Variants in UNC80 observed in about 807,000 individuals in gnomAD.
UNC80 encodes protein unc-80 homolog.
UNC80 carries 164 observed loss-of-function variants against 384.6 expected under a neutral mutation model. The ratio of observed to expected loss-of-function variants is 0.43; its 90% CI spans 0.38 to 0.49. UNC80 has a LOEUF of 0.49. Ranked by LOEUF, UNC80 falls within the 20% of genes least tolerant of loss-of-function variation. The pLI is 0.00. For missense variants in UNC80, 3,330 were observed against 4,143.0 expected (o/e 0.80, Z 5.39); for synonymous variants, 1,486 against 1,527.8 (o/e 0.97, Z 0.64).
intron 15 of UNC80, 51 bp downstream of exon 15, chr2:209,829,430 A>G (rs751273313): frequency 2.5e-5 from 38 of 1,544,650 alleles, no homozygotes; most frequent in Non-Finnish European, 3.2e-5. Flanking sequence ...GAGGTGAATC[A>G]GGTAGTGTTT....
intron 1 of UNC80, among the ~76,000 whole-genome samples, chr2:209,772,624 G>T (rs556798662): frequency 6.6e-6 from 1 of 152,184 alleles, no homozygotes; most frequent in East Asian, 1.9e-4. Flanking sequence ...TAAATCTCCT[G>T]AGGATTTGTG....
chr2:209,864,920 A>G (rs1010582366), intron 22 of UNC80, among the ~76,000 whole-genome samples: 2 of 152,024 alleles, frequency 1.3e-5, no homozygotes, highest in Admixed American at 1.3e-4. Context: ...TCCAGCTGAG[A>G]GGCTGTTAAG....
intron 31 of UNC80, among the ~76,000 whole-genome samples, chr2:209,917,422 A>G (rs1468284495): frequency 6.6e-6 from 1 of 152,204 alleles, no homozygotes; most frequent in African/African-American, 2.4e-5. Flanking sequence ...AACTTTATTT[A>G]TTGTCCTCGG....
At position 209,943,298 on chromosome 2, in the gene UNC80, C is replaced by T. The variant is rs2091741387; in HGVS notation, c.6916-82C>T. The T allele has an allele frequency of 5.3e-6, 8 of 1,500,888 alleles. No homozygotes were observed. The South Asian group carries it at 8.0e-5, about 15-fold the overall frequency. The allele number at this position is 1,500,888 out of a possible 1,614,324, so 93.0% of individuals were successfully genotyped here. A position where few individuals can be genotyped will look rare whatever the true frequency, so the allele number is the denominator to read the frequency against. The stretch of plus-strand genomic sequence containing the variant: ...AAGTTAGCCATTTCCCTCCAAGCTT[C>T]CCATGACCATGAGTTTTAAAAGCGA... On this transcript the variant is annotated intron_variant, in intron 44 of 64. Transcript: ENST00000673920.
chr2:209,779,260 C>T (rs1266673598), intron 4 of UNC80, among the ~76,000 whole-genome samples: 1 of 152,128 alleles, frequency 6.6e-6, no homozygotes, highest in Admixed American at 6.5e-5. Flanking sequence ...ATTCACTAAC[C>T]ATCTTCAGGC....
chr2:209,873,569 A>G (rs1471029473), intron 23 of UNC80, among the ~76,000 whole-genome samples: 1 of 152,232 alleles, frequency 6.6e-6, no homozygotes, highest in Non-Finnish European at 1.5e-5. Context: ...TTCTAACAAA[A>G]TGGACCCTTA....
Position 209,777,575 on chromosome 2 carries a change from G to GT in UNC80, c.600+17dup. ...CAGGATCAAGGTAAGCAGAAACCCA[G>GT]TGTTAGAGCTGGAGTGGGTGGAGAT... On this transcript the variant is annotated intron_variant, in intron 4 of 64. Transcript: ENST00000673920. 1 of 1,589,946 alleles carries GT rather than the reference G, an allele frequency of 6.3e-7. No individual in the cohort carries two copies.
intron 50 of UNC80, 109 bp from the exon 51 acceptor site, chr2:209,959,380 C>G (rs2092519184): frequency 8.7e-7 from 1 of 1,155,956 alleles, no homozygotes; most frequent in Non-Finnish European, 1.2e-6. Flanking sequence ...CCTACTGATT[C>G]ATTAACTCAT....
At chr2:209,931,111 A>G (rs895252722) in intron 38 of UNC80, 57 bp downstream of exon 38, 2 of 1,320,612 alleles carry the variant, frequency 1.5e-6, no homozygotes, top group African/African-American at 3.0e-5. Context: ...AAAAGGTCTT[A>G]GAAGATTTTT....
intron 35 of UNC80, 55 bp from the exon 36 acceptor site, chr2:209,926,788 G>A: frequency 1.3e-6 from 2 of 1,542,260 alleles, no homozygotes; most frequent in South Asian, 2.4e-5. Flanking sequence ...AACAACAGTA[G>A]CAACAAAGAA....
chr2:209,826,512 G>C (rs2080531099), intron 14 of UNC80, among the ~76,000 whole-genome samples: 1 of 152,068 alleles, frequency 6.6e-6, no homozygotes, highest in African/African-American at 2.4e-5. Context: ...GCCCTTATTG[G>C]GACAAAAGAG....
intron 61 of UNC80, among the ~76,000 whole-genome samples, chr2:209,990,584 G>A (rs968944845): frequency 1.3e-5 from 2 of 152,090 alleles, no homozygotes; most frequent in African/African-American, 4.8e-5. Context: ...TGTGCATATG[G>A]TTATTGAATA....
At chr2:209,930,856 TG>T in intron 37 of UNC80, 111 bp from the exon 38 acceptor site, 1 of 645,298 alleles carries the variant, frequency 1.5e-6, no homozygotes, top group Non-Finnish European at 2.7e-6. Context: ...AATCAATATG[TG>T]GGCAAAAGTA....
intron 22 of UNC80, among the ~76,000 whole-genome samples, chr2:209,866,236 G>C (rs2124871427): frequency 6.6e-6 from 1 of 151,758 alleles, no homozygotes; most frequent in East Asian, 1.9e-4. Flanking sequence ...TTTATTTTCT[G>C]TTTTTGATAA....
intron 46 of UNC80, 140 bp downstream of exon 46, chr2:209,945,329 G>A: frequency 2.3e-6 from 2 of 881,526 alleles, no homozygotes; most frequent in Non-Finnish European, 3.2e-6. Context: ...AAATGGAACA[G>A]TAGTAGAAAT....
At chr2:209,882,738 A>C (rs1017556431) in intron 25 of UNC80, among the ~76,000 whole-genome samples, 2 of 152,166 alleles carry the variant, frequency 1.3e-5, no homozygotes, top group Admixed American at 1.3e-4. Context: ...TAAAAGCACA[A>C]AGTACATCTA....
At chr2:209,930,866 T>C in intron 37 of UNC80, 102 bp from the exon 38 acceptor site, 1 of 714,872 alleles carries the variant, frequency 1.4e-6, no homozygotes, top group Non-Finnish European at 2.3e-6. Flanking sequence ...TGGGCAAAAG[T>C]AAAAAAAATC....
intron 21 of UNC80, among the ~76,000 whole-genome samples, chr2:209,848,200 T>G (rs925736834): frequency 6.6e-6 from 1 of 152,074 alleles, no homozygotes; most frequent in African/African-American, 2.4e-5. Context: ...GTTCCTCGTC[T>G]ATAGCTTTTC....
At position 209,987,844 on chromosome 2, in the gene UNC80, C is replaced by T. The variant is rs189381616; in HGVS notation, c.9314+2932C>T. Among the ~76,000 whole-genome samples, 3 of 151,958 alleles carry T rather than the reference C, an allele frequency of 2.0e-5. No homozygotes were observed. In the East Asian group the frequency reaches 5.8e-4, roughly 29 times the overall value. ...TATACACACTTTCAAAGCATAAAAA[C>T]TTGGCAAGTACTCTCAAAATACCAA... On this transcript the variant is annotated intron_variant, in intron 61 of 64. Transcript: ENST00000673920.
Sources: allele counts gnomAD v4.1 joint callset (sites outside exome capture counted in the v4.1 genomes callset), GRCh38; gene constraint gnomAD v4.1.1; transcripts MANE v1.5; gene names NCBI Gene and HGNC (gene_info 2026-07-23, HGNC 2026-07-21).